Variants in C3orf22 observed in about 807,000 individuals in gnomAD.
C3orf22 encodes the protein uncharacterized protein C3orf22.
In C3orf22, 7 loss-of-function variants were observed where a neutral mutation model predicts 10.8. That is an observed-to-expected ratio of 0.65 (90% CI 0.37 to 1.22). The LOEUF (loss-of-function observed/expected upper bound fraction) is 1.22. C3orf22 is among the 50% of genes most tolerant of loss of function. The pLI is 0.02. For synonymous variants in C3orf22, 79 were observed against 78.9 expected (o/e 1.00, Z 0.00); for missense variants, 173 against 177.0 (o/e 0.98, Z 0.13).
At chr3:126,530,682 C>T (rs1936639062) in intron 4 of C3orf22, among the ~76,000 whole-genome samples, 1 of 152,268 alleles carries the variant, frequency 6.6e-6, no homozygotes, top group Non-Finnish European at 1.5e-5. Flanking sequence ...GGTCTCCCTG[C>T]ACCAGCATGA....
chr3:126,531,183 A>G (rs904135152), intron 4 of C3orf22, among the ~76,000 whole-genome samples: 29 of 152,370 alleles, frequency 1.9e-4, no homozygotes, highest in African/African-American at 7.0e-4. Flanking sequence ...AGCTGCTGGA[A>G]ATGCAGATTC....
chr3:126,529,407 C>T, intron 4 of C3orf22: 2 of 1,288,476 alleles, frequency 1.6e-6, no homozygotes, highest in Non-Finnish European at 2.0e-6. Context: ...GGTGTCAGGA[C>T]AAGGGGGCAC....
chr3:126,546,821 C>T (rs941977110), downstream of C3orf22, among the ~76,000 whole-genome samples: 2 of 152,178 alleles, frequency 1.3e-5, no homozygotes, highest in African/African-American at 4.8e-5. Flanking sequence ...TGTCTCCTCC[C>T]TACTTCTCTA....
intron 4 of C3orf22, among the ~76,000 whole-genome samples, chr3:126,544,184 C>T (rs901617525): frequency 5.3e-5 from 8 of 152,046 alleles, no homozygotes; most frequent in Admixed American, 3.9e-4. Context: ...GGAGTGGGAC[C>T]GGTGGCTTTA....
chr3:126,541,403 A>G (rs989052290), intron 4 of C3orf22, among the ~76,000 whole-genome samples: 2 of 152,172 alleles, frequency 1.3e-5, no homozygotes, highest in Non-Finnish European at 2.9e-5. Flanking sequence ...AACATTGAAG[A>G]GTCCATGTGT....
At chr3:126,532,337 A>T (rs1936676648) in intron 4 of C3orf22, among the ~76,000 whole-genome samples, 1 of 152,254 alleles carries the variant, frequency 6.6e-6, no homozygotes, top group Admixed American at 6.5e-5. Flanking sequence ...CTAATACATC[A>T]TCACCTAATC....
rs76962754 is a variant in C3orf22 at position 126,551,431 on chromosome 3, C to T, written c.215+566G>A. 8.3e-3 allele frequency among the ~76,000 whole-genome samples: 1,262 copies of T among 152,330 alleles called. 12 individuals carry two copies. The highest frequency in any genetic ancestry group is 0.029 in the African/African-American group (1,202 of 41,572). On this transcript the variant is annotated intron_variant, in intron 3 of 3. Transcript: ENST00000318225. ...GTCAGAAGCTCTGTTTCTTTCTCCA[C>T]ATCTGTTTAGGAGGAAGTAGGTGTG...
rs143024190 is a variant in C3orf22 at position 126,541,929 on chromosome 3, C to A, written c.286+7608G>T. ...ACCAACTGGAAGCGCGTGCTGCTGG[C>A]GCTGAGCGGCCAAGCCCGCGGCGAC... On this transcript the variant is annotated intron_variant and NMD_transcript_variant, in intron 4 of 5. Coordinates refer to the C3orf22 transcript ENST00000505070. 1.3e-6 allele frequency: 2 copies of A among 1,594,266 alleles called. No individual in the cohort carries two copies. The highest frequency in any genetic ancestry group is 1.7e-6 in the Non-Finnish European group (2 of 1,171,396).
intron 4 of C3orf22, among the ~76,000 whole-genome samples, chr3:126,532,150 C>T (rs776991276): frequency 2.6e-5 from 4 of 152,210 alleles, no homozygotes; most frequent in South Asian, 2.1e-4. Flanking sequence ...GTTCTCCATA[C>T]GTTGTGGGTA....
chr3:126,542,152 C>T (rs7614066), intron 4 of C3orf22: 44,737 of 1,543,624 alleles, frequency 0.029, 978 homozygotes, highest in African/African-American at 0.097. Flanking sequence ...AGAGGCGCTA[C>T]GGTGCACGCA....
intron 1 of C3orf22, among the ~76,000 whole-genome samples, chr3:126,556,400 G>T (rs538904734): frequency 6.6e-6 from 1 of 152,158 alleles, no homozygotes; most frequent in South Asian, 2.1e-4. Flanking sequence ...GCCATGGTGA[G>T]GACACACCCC....
At chr3:126,529,209 T>C (rs1936597947) in exon 5 of C3orf22, 3 of 825,342 alleles carry the variant, frequency 3.6e-6, no homozygotes, top group Non-Finnish European at 5.3e-6. Context: ...TGTAGGTTTC[T>C]AGTGTGGTGT....
At chr3:126,542,219 G>T (rs748107873) in intron 4 of C3orf22, 3 of 1,482,762 alleles carry the variant, frequency 2.0e-6, no homozygotes, top group South Asian at 1.3e-5. Context: ...CGGCCACGAC[G>T]TGCGCTTCGC....
downstream of C3orf22, among the ~76,000 whole-genome samples, chr3:126,546,566 C>A (rs532542399): frequency 6.6e-6 from 1 of 152,122 alleles, no homozygotes; most frequent in Non-Finnish European, 1.5e-5. Context: ...TCTCCCTCCC[C>A]GCCTCTCCCT....
At chr3:126,555,396 C>T (rs1387073242) in intron 1 of C3orf22, among the ~76,000 whole-genome samples, 1 of 152,178 alleles carries the variant, frequency 6.6e-6, no homozygotes, top group Non-Finnish European at 1.5e-5. Flanking sequence ...ACGGTACAGT[C>T]GCAGGAGACC....
At position 126,552,060 on chromosome 3, in the gene C3orf22, G is replaced by T; in HGVS notation, c.152C>A (p.Ser51Ter). 1 of 1,613,734 alleles carries T rather than the reference G, an allele frequency of 6.2e-7. No homozygotes were observed. ...CTGCAGGGGCAGCTGCACCGTGTTC[G>T]AGTCGTTTGTGACCTCCCAGGGCTG... ...PLQPWEVTND[S>*]NTVQLPLQKR... The change falls in exon 3 of 4, where the codon TCG becomes TAG. Residue 51 changes from serine to a stop codon, truncating the protein, a stop_gained. Coordinates refer to ENST00000318225, the MANE Select transcript of C3orf22 (RefSeq NM_152533.3). LOFTEE classifies it high-confidence loss of function.
intron 4 of C3orf22, among the ~76,000 whole-genome samples, chr3:126,539,148 A>AT (rs1936866806): frequency 6.6e-6 from 1 of 152,084 alleles, no homozygotes; most frequent in South Asian, 2.1e-4. Context: ...AAGAAGGGAG[A>AT]ATAGTTCAAG....
At chr3:126,553,451 T>A in intron 1 of C3orf22, 21 bp from the exon 2 acceptor site, 2 of 1,087,366 alleles carry the variant, frequency 1.8e-6, no homozygotes, top group Non-Finnish European at 2.8e-6. Context: ...AGAGGAGGCG[T>A]CAGAGGGGGC....
Position 126,543,645 on chromosome 3 carries a change from TGA to T in C3orf22, c.286+5890_286+5891del, listed in dbSNP as rs200332653. ...TCCCACCTTTGTGCGTGTGTGACTG[TGA>T]GAGTGTGCATGAGTGTGTGAGTATA... On this transcript the variant is annotated intron_variant and NMD_transcript_variant, in intron 4 of 5. Transcript: ENST00000505070. 9.6e-3 allele frequency among the ~76,000 whole-genome samples: 1,457 copies of T among 152,188 alleles called. 22 individuals carry two copies. The highest frequency in any genetic ancestry group is 0.032 in the African/African-American group (1,311 of 41,510).
Sources: allele counts gnomAD v4.1 joint callset (sites outside exome capture counted in the v4.1 genomes callset), GRCh38; gene constraint gnomAD v4.1.1; transcripts MANE v1.5; gene names NCBI Gene and HGNC (gene_info 2026-07-23, HGNC 2026-07-21).